Variants in DNER observed in about 807,000 individuals in gnomAD.
DNER encodes delta and Notch-like epidermal growth factor-related receptor.
In DNER, 33 loss-of-function variants were observed where a neutral mutation model predicts 78.2. That is an observed-to-expected ratio of 0.42 (90% CI 0.32 to 0.56). The LOEUF is 0.56. Among genes scored for constraint, DNER ranks in the 20% least tolerant of loss-of-function variants. The pLI is 0.11. For missense variants in DNER, 918 were observed against 975.3 expected (o/e 0.94, Z 0.78); for synonymous variants, 417 against 384.8 (o/e 1.08, Z -0.98).
At chr2:229,501,828 C>A (rs549852762) in intron 6 of DNER, among the ~76,000 whole-genome samples, 1 of 152,100 alleles carries the variant, frequency 6.6e-6, no homozygotes, top group East Asian at 1.9e-4. Context: ...ATAGTTAACC[C>A]ACAAAGAAAA....
At chr2:229,706,637 T>C (rs575934267) in intron 1 of DNER, among the ~76,000 whole-genome samples, 78 of 152,282 alleles carry the variant, frequency 5.1e-4, no homozygotes, top group Non-Finnish European at 9.6e-4. Flanking sequence ...CACTGGAACA[T>C]GTAAGCAGCC....
At chr2:229,364,097 T>C (rs545676184) in intron 12 of DNER, among the ~76,000 whole-genome samples, 1 of 144,574 alleles carries the variant, frequency 6.9e-6, no homozygotes, top group Admixed American at 7.2e-5. Flanking sequence ...TCTCTTGACC[T>C]CATTATCCGC....
chr2:229,425,367 C>A (rs372077404), intron 8 of DNER, among the ~76,000 whole-genome samples: 11 of 152,266 alleles, frequency 7.2e-5, no homozygotes, highest in African/African-American at 2.2e-4. Context: ...AAGCTGGTTT[C>A]TAGCTAGTGC....
intron 6 of DNER, among the ~76,000 whole-genome samples, chr2:229,481,793 G>A (rs939534038): frequency 2.0e-5 from 3 of 152,176 alleles, no homozygotes; most frequent in South Asian, 4.1e-4. Context: ...AGAGGACCTC[G>A]TAGAAGATAT....
At chr2:229,569,538 A>T (rs1471372640) in intron 4 of DNER, among the ~76,000 whole-genome samples, 4 of 152,114 alleles carry the variant, frequency 2.6e-5, no homozygotes, top group African/African-American at 7.2e-5. Context: ...ATTAAAAAAA[A>T]AAATTTTTTA....
intron 8 of DNER, among the ~76,000 whole-genome samples, chr2:229,437,216 T>C (rs1694140210): frequency 6.6e-6 from 1 of 152,186 alleles, no homozygotes; most frequent in Non-Finnish European, 1.5e-5. Context: ...GAAGAGGAAA[T>C]GCTGTTTTGA....
At chr2:229,398,337 A>G (rs1263663582) in intron 10 of DNER, among the ~76,000 whole-genome samples, 1 of 152,066 alleles carries the variant, frequency 6.6e-6, no homozygotes, top group Non-Finnish European at 1.5e-5. Flanking sequence ...TACTTTTATA[A>G]CTATTGAGAC....
chr2:229,707,315 G>A (rs1298525120), intron 1 of DNER, among the ~76,000 whole-genome samples: 5 of 151,418 alleles, frequency 3.3e-5, no homozygotes, highest in South Asian at 4.2e-4. Flanking sequence ...GATTATAGGC[G>A]TGAACCACAG....
intron 12 of DNER, among the ~76,000 whole-genome samples, chr2:229,364,258 C>T (rs1692288886): frequency 6.6e-6 from 1 of 151,938 alleles, no homozygotes; most frequent in Non-Finnish European, 1.5e-5. Flanking sequence ...AGTTGGTGCC[C>T]TGGGATGAGT....
chr2:229,400,133 A>C (rs546685527), intron 10 of DNER, among the ~76,000 whole-genome samples: 61 of 152,192 alleles, frequency 4.0e-4, no homozygotes, highest in African/African-American at 1.4e-3. Flanking sequence ...GATGAAAGGC[A>C]GTATTTGGTT....
At chr2:229,549,584 C>A (rs1696690136) in intron 4 of DNER, among the ~76,000 whole-genome samples, 1 of 152,180 alleles carries the variant, frequency 6.6e-6, no homozygotes, top group African/African-American at 2.4e-5. Flanking sequence ...CAAGCATGAG[C>A]CACCACATCC....
In DNER at chr2:229,607,373, GCAGTTACTGTTATCT is replaced by G. The variant is rs565124818; in HGVS notation, c.277-15500_277-15486del. On this transcript the variant is annotated intron_variant, in intron 1 of 12. Coordinates refer to ENST00000341772, the MANE Select transcript of DNER (RefSeq NM_139072.4). ...TTAATCTTCACTATCACCCTGTGAG[GCAGTTACTGTTATCT>G]GCATATTATCTCTGAGGCTCAGAAA... 5.2e-3 allele frequency among the ~76,000 whole-genome samples: 793 copies of G among 152,238 alleles called. 13 individuals are homozygous for G. Among genetic ancestry groups the G allele is most frequent in the African/African-American group, 0.018 (753 of 41,538 alleles).
chr2:229,670,756 A>T (rs1430032963), intron 1 of DNER, among the ~76,000 whole-genome samples: 1 of 152,206 alleles, frequency 6.6e-6, no homozygotes, highest in Non-Finnish European at 1.5e-5. Context: ...CCGTCCATAG[A>T]GTAGCCACCA....
chr2:229,534,878 C>T (rs1461199757), intron 5 of DNER, among the ~76,000 whole-genome samples: 1 of 151,790 alleles, frequency 6.6e-6, no homozygotes, highest in African/African-American at 2.4e-5. Context: ...CTCTGTTGCC[C>T]AGGCTGGAGT....
At chr2:229,399,996 A>T (rs1015149279) in intron 10 of DNER, among the ~76,000 whole-genome samples, 1 of 152,038 alleles carries the variant, frequency 6.6e-6, no homozygotes, top group Non-Finnish European at 1.5e-5. Flanking sequence ...CTAAATGCAA[A>T]ATAAGTGGTA....
chr2:229,373,373 G>A (rs939461352), intron 11 of DNER, among the ~76,000 whole-genome samples: 2 of 152,130 alleles, frequency 1.3e-5, no homozygotes, highest in African/African-American at 4.8e-5. Flanking sequence ...TCAGAGAAAT[G>A]CAAATCAAAA....
At chr2:229,485,897 G>T (rs1695259751) in intron 6 of DNER, among the ~76,000 whole-genome samples, 1 of 152,130 alleles carries the variant, frequency 6.6e-6, no homozygotes, top group Admixed American at 6.5e-5. Flanking sequence ...TGTTCTGAAG[G>T]CTCCCATGGT....
At chr2:229,483,042 C>T (rs1245508030) in intron 6 of DNER, among the ~76,000 whole-genome samples, 4 of 152,136 alleles carry the variant, frequency 2.6e-5, no homozygotes, top group Non-Finnish European at 4.4e-5. Flanking sequence ...GACTCAGGGG[C>T]TGTGGGTTTT....
intron 12 of DNER, among the ~76,000 whole-genome samples, chr2:229,365,105 C>T (rs1247723548): frequency 2.6e-5 from 4 of 152,186 alleles, no homozygotes; most frequent in African/African-American, 7.2e-5. Flanking sequence ...TCTGAAGCTA[C>T]ACTTTCCCAA....
Sources: gnomAD v4.1 joint callset for allele counts (sites outside exome capture counted in the v4.1 genomes callset) on GRCh38, gnomAD v4.1.1 for gene constraint, MANE v1.5 for transcripts, NCBI Gene and HGNC (gene_info 2026-07-23, HGNC 2026-07-21) for gene names.